ASTN2: variants seen among roughly 807,000 people sequenced by gnomAD.
ASTN2 encodes astrotactin-2.
A neutral mutation model predicts 139.8 loss-of-function variants in ASTN2; 54 were observed. The observed-to-expected ratio is 0.39, with a 90% confidence interval of 0.31 to 0.48. The LOEUF is 0.48. Among genes scored for constraint, ASTN2 ranks in the 20% least tolerant of loss-of-function variants. ASTN2 has a pLI of 0.95. For missense variants in ASTN2, 1,565 were observed against 1,725.1 expected, an observed-to-expected ratio of 0.91 and a Z score of 1.64; for synonymous variants, 756 against 719.5, an observed-to-expected ratio of 1.05 and a Z score of -0.81.
At chr9:116,596,786 T>C (rs1854598012) in intron 19 of ASTN2, among the ~76,000 whole-genome samples, 1 of 152,160 alleles carries the variant, frequency 6.6e-6, no homozygotes, top group Admixed American at 6.5e-5. Context: ...AAAGGCTTTC[T>C]GTGCAGATGA....
chr9:117,413,354 C>T (rs774263868), intron 1 of ASTN2, among the ~76,000 whole-genome samples: 11 of 152,212 alleles, frequency 7.2e-5, no homozygotes, highest in Non-Finnish European at 5.9e-5. Context: ...GAGGCGGATC[C>T]CGCCGAGGAA....
intron 10 of ASTN2, among the ~76,000 whole-genome samples, chr9:116,882,810 G>A (rs1804471838): frequency 6.7e-6 from 1 of 148,672 alleles, no homozygotes; most frequent in Non-Finnish European, 1.5e-5. Flanking sequence ...CTGGGTGACA[G>A]ACAGAGACCT....
At chr9:117,171,052 C>T (rs1259439580) in intron 3 of ASTN2, among the ~76,000 whole-genome samples, 2 of 152,024 alleles carry the variant, frequency 1.3e-5, no homozygotes, top group African/African-American at 4.8e-5. Context: ...CTGAGCTCTC[C>T]AAGGATGAGA....
At chr9:116,597,876 C>A (rs1051664134) in intron 19 of ASTN2, among the ~76,000 whole-genome samples, 1 of 152,066 alleles carries the variant, frequency 6.6e-6, no homozygotes, top group Non-Finnish European at 1.5e-5. Flanking sequence ...TCTCCTACAT[C>A]GTTGATGTCA....
chr9:117,316,967 C>G (rs1161944686), intron 1 of ASTN2, among the ~76,000 whole-genome samples: 1 of 152,058 alleles, frequency 6.6e-6, no homozygotes, highest in African/African-American at 2.4e-5. Flanking sequence ...AAATGGAGAG[C>G]CCTCTGGCTC....
chr9:117,037,507 TTG>T (rs1366242997), intron 6 of ASTN2, among the ~76,000 whole-genome samples: 2 of 152,200 alleles, frequency 1.3e-5, no homozygotes, highest in African/African-American at 4.8e-5. Context: ...GGGAATTCAC[TTG>T]GCTATCGAAG....
At chr9:116,684,830 T>C (rs1190365805) in intron 16 of ASTN2, among the ~76,000 whole-genome samples, 1 of 152,226 alleles carries the variant, frequency 6.6e-6, no homozygotes, top group African/African-American at 2.4e-5. Context: ...CTTTGCAAAA[T>C]TATGATTGAG....
At chr9:116,683,953 G>C (rs956939540) in intron 16 of ASTN2, among the ~76,000 whole-genome samples, 2 of 152,154 alleles carry the variant, frequency 1.3e-5, no homozygotes, top group Non-Finnish European at 2.9e-5. Context: ...AAAGCCCCCT[G>C]GGGAATCTAA....
At chr9:116,992,865 A>G (rs572959444) in intron 7 of ASTN2, among the ~76,000 whole-genome samples, 1 of 152,294 alleles carries the variant, frequency 6.6e-6, no homozygotes, top group East Asian at 1.9e-4. Context: ...AGTGATGCAC[A>G]CTAAATAATA....
At chr9:117,248,077 A>T (rs1410133187) in intron 2 of ASTN2, among the ~76,000 whole-genome samples, 2 of 152,192 alleles carry the variant, frequency 1.3e-5, no homozygotes, top group Non-Finnish European at 2.9e-5. Flanking sequence ...TTTACCGAAC[A>T]CTGTCATGTG....
intron 5 of ASTN2, among the ~76,000 whole-genome samples, chr9:117,058,978 T>C (rs1023844242): frequency 3.9e-5 from 6 of 151,976 alleles, no homozygotes; most frequent in African/African-American, 1.5e-4. Flanking sequence ...AGTTAATGAG[T>C]TTGATCTTAA....
chr9:116,673,540 T>C (rs1297058815), intron 16 of ASTN2, among the ~76,000 whole-genome samples: 4 of 152,214 alleles, frequency 2.6e-5, no homozygotes, highest in Non-Finnish European at 5.9e-5. Context: ...TAGTTGTAAC[T>C]GGTTAAGACA....
At chr9:116,680,358 G>T (rs1407103778) in intron 16 of ASTN2, among the ~76,000 whole-genome samples, 1 of 152,138 alleles carries the variant, frequency 6.6e-6, no homozygotes, top group Admixed American at 6.5e-5. Context: ...CCAATAACAG[G>T]ATCTGAAATT....
intron 7 of ASTN2, among the ~76,000 whole-genome samples, chr9:116,980,393 A>C (rs761352915): frequency 1.3e-5 from 2 of 151,986 alleles, no homozygotes; most frequent in Non-Finnish European, 2.9e-5. Flanking sequence ...GTTGAATTAA[A>C]AAAAAAAAAG....
chr9:116,923,624 G>A (rs1028513564), intron 10 of ASTN2, among the ~76,000 whole-genome samples: 6 of 152,188 alleles, frequency 3.9e-5, no homozygotes, highest in African/African-American at 1.2e-4. Context: ...TTTTACCCCT[G>A]GAGATGGAGA....
chr9:117,414,965 CGGCGGCGGCGGT>C lies in ASTN2; in HGVS notation c.-39_-28del. On this transcript the variant is annotated 5_prime_UTR_variant, in exon 1 of 23. Transcript: ENST00000313400. The surrounding 1 kb of genome is among the most constrained non-coding windows in gnomAD (Gnocchi z 4.2). Reference sequence around the variant, plus strand: ...GCGGGAGGGGCTGCGGTGCTGCGGGCGGCGGCGGCGGTGGCGGCGGTGGCGAAGGAGGAAGAG... The same window carrying C: ...GCGGGAGGGGCTGCGGTGCTGCGGGCGGCGGCGGTGGCGAAGGAGGAAGAG... 2 of 228,154 alleles carry C rather than the reference CGGCGGCGGCGGT, an allele frequency of 8.8e-6. No homozygotes were observed. The highest frequency in any genetic ancestry group is 7.7e-6 in the Non-Finnish European group (1 of 129,526). The allele number at this position is 228,154 out of a possible 1,614,324, so 14.1% of individuals were successfully genotyped here.
chr9:116,569,051 G>A (rs957644424), intron 19 of ASTN2: 1 of 152,228 alleles, frequency 6.6e-6, no homozygotes, highest in Admixed American at 6.5e-5. Flanking sequence ...CAGAGCTCTG[G>A]AGTGTGAGCA....
chr9:116,625,221 G>A (rs1254503730), intron 17 of ASTN2, among the ~76,000 whole-genome samples: 1 of 152,116 alleles, frequency 6.6e-6, no homozygotes, highest in African/African-American at 2.4e-5. Context: ...ACGAGGTCAG[G>A]AGTTCGAGAC....
chr9:116,762,276 T>C lies in ASTN2; in HGVS notation c.2397-28753A>G, dbSNP rs562920159. ...CTCAAGGTCCTGGTTTTGCCACTTG[T>C]TGTCTGTGAGCTTGGAAAATCCCCT... On this transcript the variant is annotated intron_variant, in intron 13 of 22. Transcript: ENST00000313400. 5.6e-4 allele frequency among the ~76,000 whole-genome samples: 86 copies of C among 152,368 alleles called. 1 individual carries two copies. Among genetic ancestry groups the C allele is most frequent in the African/African-American group, 1.9e-3 (80 of 41,586 alleles).
Sources: allele counts gnomAD v4.1 joint callset (sites outside exome capture counted in the v4.1 genomes callset), GRCh38; gene constraint gnomAD v4.1.1; non-coding constraint Gnocchi (gnomAD v3.1); transcripts MANE v1.5; gene names NCBI Gene and HGNC (gene_info 2026-07-23, HGNC 2026-07-21).